Variants in WDFY3 observed in about 807,000 individuals in gnomAD.
The protein encoded by WDFY3 is WD repeat and FYVE domain containing 3.
Under a neutral mutation model 409.6 loss-of-function variants are expected in WDFY3, and 66 were observed. The observed-to-expected ratio is 0.16, with a 90% CI of 0.13 to 0.20. The LOEUF (loss-of-function observed/expected upper bound fraction) is 0.20. WDFY3 is among the 10% of genes least tolerant of loss of function. The probability of loss-of-function intolerance (pLI) is 1.00; values close to 1 mark genes in which losing one functional copy is unlikely to be tolerated. For missense variants in WDFY3, 3,031 were observed against 4,298.1 expected, an observed-to-expected ratio of 0.71 and a Z score of 8.24; for synonymous variants, 1,521 against 1,537.1, an observed-to-expected ratio of 0.99 and a Z score of 0.25.
intron 39 of WDFY3, among the ~76,000 whole-genome samples, chr4:84,739,616 AGCAGGTATTTCTTTCAGGTTAGG>A (rs1738049305): frequency 6.6e-6 from 1 of 152,118 alleles, no homozygotes; most frequent in Non-Finnish European, 1.5e-5. Flanking sequence ...GCTGCAGCTC[AGCAGGTATTTCTTTCAGGTTAGG>A]GGCCCCTCTT....
At chr4:84,780,399 T>A in intron 25 of WDFY3, 101 bp from the exon 26 acceptor site, 1 of 1,185,008 alleles carries the variant, frequency 8.4e-7, no homozygotes, top group Non-Finnish European at 1.1e-6. Flanking sequence ...GTGTTTTATT[T>A]TAAAAATATC....
At chr4:84,856,430 G>A (rs1347600336) in intron 4 of WDFY3, among the ~76,000 whole-genome samples, 1 of 151,934 alleles carries the variant, frequency 6.6e-6, no homozygotes, top group Non-Finnish European at 1.5e-5. Flanking sequence ...TAAACCAAAT[G>A]TTTTCTTTGT....
intron 19 of WDFY3, among the ~76,000 whole-genome samples, chr4:84,795,316 T>C (rs997259619): frequency 6.6e-6 from 1 of 152,234 alleles, no homozygotes; most frequent in African/African-American, 2.4e-5. Flanking sequence ...CCCCTTACTG[T>C]CACTCTCTTG....
chr4:84,780,335 T>C, intron 25 of WDFY3, 37 bp from the exon 26 acceptor site: 1 of 1,570,558 alleles, frequency 6.4e-7, no homozygotes, highest in South Asian at 1.2e-5. Context: ...TAAGATAAAT[T>C]CCCCATGTGA....
intron 13 of WDFY3, among the ~76,000 whole-genome samples, chr4:84,815,455 G>GT (rs1278166348): frequency 6.6e-6 from 1 of 152,086 alleles, no homozygotes; most frequent in Non-Finnish European, 1.5e-5. Context: ...CAGACCTTGT[G>GT]TTTTTTCCAA....
At chr4:84,796,926 G>A (rs574138823) in intron 18 of WDFY3, among the ~76,000 whole-genome samples, 174 bp from the exon 19 acceptor site, 11 of 151,958 alleles carry the variant, frequency 7.2e-5, no homozygotes, top group South Asian at 4.2e-4. Context: ...AATAGCATGC[G>A]TTTCCTTTTT....
intron 6 of WDFY3, 67 bp from the exon 7 acceptor site, chr4:84,837,157 C>T: frequency 7.6e-7 from 1 of 1,316,646 alleles, no homozygotes; most frequent in East Asian, 2.8e-5. Context: ...CCAAATAATT[C>T]ACAAATGTTA....
intron 58 of WDFY3, among the ~76,000 whole-genome samples, chr4:84,693,311 T>A (rs1729556529): frequency 6.6e-6 from 1 of 152,164 alleles, no homozygotes; most frequent in Non-Finnish European, 1.5e-5. Context: ...TCAAAGAAAG[T>A]CAATCTACAG....
In WDFY3 at chr4:84,713,382, T is replaced by C. The variant is rs543761143; in HGVS notation, c.7962-143A>G. ...CACTAAATGGCAGGCAAAAGGAATA[T>C]ATAAATTTTGGACTTCTCTAAAGAG... is the stretch of plus-strand genomic sequence containing the variant. On this transcript the variant is annotated intron_variant, in intron 50 of 67. Coordinates refer to ENST00000295888, the MANE Select transcript of WDFY3 (RefSeq NM_014991.6). 6.0e-5 allele frequency: 40 copies of C among 670,078 alleles called. 1 individual carries two copies. In the East Asian group the frequency reaches 6.7e-4, roughly 11 times the overall value. 41.5% of individuals were successfully genotyped at this position (670,078 alleles called of 1,614,324 possible).
chr4:84,869,939 CT>C (rs1283997894), intron 3 of WDFY3, among the ~76,000 whole-genome samples: 2 of 152,138 alleles, frequency 1.3e-5, no homozygotes, highest in Admixed American at 6.5e-5. Context: ...TAGGATTTCT[CT>C]TCATAGACAG....
At position 84,671,290 on chromosome 4, in the gene WDFY3, A is replaced by G. The variant is rs1429047106; in HGVS notation, c.*1578T>C. 1.3e-5 allele frequency: 2 copies of G among 152,588 alleles called. No homozygotes were observed. Among genetic ancestry groups the G allele is most frequent in the Non-Finnish European group, 2.9e-5 (2 of 68,040 alleles). The allele number at this position is 152,588 out of a possible 1,614,324, so 9.5% of individuals were successfully genotyped here. On this transcript the variant is annotated 3_prime_UTR_variant, in exon 68 of 68. Coordinates refer to ENST00000295888, the MANE Select transcript of WDFY3 (RefSeq NM_014991.6). ...CTAAAGATGGAAAATTGGAAAAGCC[A>G]AAGCCGCTGTCCTTTGCATGATGCC...
chr4:84,935,595 G>A (rs1437283252), intron 1 of WDFY3, among the ~76,000 whole-genome samples: 1 of 151,886 alleles, frequency 6.6e-6, no homozygotes, highest in African/African-American at 2.4e-5. Flanking sequence ...ATATGTATTT[G>A]GATGCCCATT....
chr4:84,865,924 G>C (rs536536229), intron 3 of WDFY3, among the ~76,000 whole-genome samples: 24 of 152,136 alleles, frequency 1.6e-4, no homozygotes, highest in African/African-American at 5.3e-4. Flanking sequence ...ACAAAAATTG[G>C]CCAGGCATGG....
At chr4:84,806,757 T>C in intron 15 of WDFY3, among the ~76,000 whole-genome samples, 1 of 151,828 alleles carries the variant, frequency 6.6e-6, no homozygotes, top group Non-Finnish European at 1.5e-5. Context: ...AGGTGCACGC[T>C]GCCATGCCCG....
At chr4:84,732,170 T>C (rs941524225) in intron 44 of WDFY3, among the ~76,000 whole-genome samples, 2 of 152,158 alleles carry the variant, frequency 1.3e-5, no homozygotes, top group Non-Finnish European at 2.9e-5. Context: ...TTGAATAGCT[T>C]TGAGAAAAGT....
rs563408954 is a variant in WDFY3 at position 84,801,583 on chromosome 4, G to C, written c.2822+67C>G. ...TATGTCCATTAAGGCAGGAATTCTGGAATCATAAGGACTCTAGAAACTGAC... is the reference window on the plus strand; with the variant it reads ...TATGTCCATTAAGGCAGGAATTCTGCAATCATAAGGACTCTAGAAACTGAC... On this transcript the variant is annotated intron_variant, in intron 17 of 67. Coordinates refer to ENST00000295888, the MANE Select transcript of WDFY3 (RefSeq NM_014991.6). The C allele has an allele frequency of 6.1e-6, 9 of 1,477,438 alleles. No individual in the cohort carries two copies. The Admixed American group carries it at 8.8e-5, about 14-fold the overall frequency. The allele number at this position is 1,477,438 out of a possible 1,614,324, so 91.5% of individuals were successfully genotyped here.
intron 63 of WDFY3, chr4:84,682,847 C>G (rs147053522): frequency 6.6e-4 from 124 of 188,926 alleles, no homozygotes; most frequent in African/African-American, 2.8e-3. Flanking sequence ...CCGGGCATAG[C>G]AGTGCATGCT....
chr4:84,778,815 A>G (rs963762356), intron 26 of WDFY3, among the ~76,000 whole-genome samples, 160 bp from the exon 27 acceptor site: 7 of 152,096 alleles, frequency 4.6e-5, no homozygotes, highest in African/African-American at 1.7e-4. Context: ...TTATTAAGTT[A>G]ATTTCTAAAT....
At chr4:84,842,547 G>A (rs932222510) in intron 5 of WDFY3, among the ~76,000 whole-genome samples, 1 of 151,246 alleles carries the variant, frequency 6.6e-6, no homozygotes, top group African/African-American at 2.4e-5. Flanking sequence ...CATATACTTG[G>A]TGGCTCACGC....
Sources: allele counts gnomAD v4.1 joint callset (sites outside exome capture counted in the v4.1 genomes callset), GRCh38; gene constraint gnomAD v4.1.1; transcripts MANE v1.5; gene names NCBI Gene and HGNC (gene_info 2026-07-23, HGNC 2026-07-21).